The following GRID2IP variants were observed in gnomAD, a reference collection of about 807,000 sequenced individuals.
GRID2IP encodes delphilin.
A neutral mutation model predicts 114.3 loss-of-function variants in GRID2IP; 78 were observed. The ratio of observed to expected loss-of-function variants is 0.68; its 90% confidence interval spans 0.57 to 0.82. GRID2IP has a LOEUF of 0.82. Among genes scored for constraint, GRID2IP ranks in the 40% least tolerant of loss-of-function variants. GRID2IP has a pLI of 0.00. For missense variants in GRID2IP, 1,727 were observed against 1,678.5 expected, an observed-to-expected ratio of 1.03 and a Z score of -0.51; for synonymous variants, 809 against 724.0, an observed-to-expected ratio of 1.12 and a Z score of -1.89.
intron 20 of GRID2IP, among the ~76,000 whole-genome samples, chr7:6,499,683 G>A (rs1037534587): frequency 2.0e-5 from 3 of 152,034 alleles, no homozygotes; most frequent in Non-Finnish European, 2.9e-5. Flanking sequence ...TGCCCTCCTT[G>A]GCCTCCCAAA....
At chr7:6,514,647 T>A in intron 7 of GRID2IP, 118 bp from the exon 8 acceptor site, 1 of 891,386 alleles carries the variant, frequency 1.1e-6, no homozygotes, top group Non-Finnish European at 1.6e-6. Flanking sequence ...GCCCTATCCC[T>A]ACCCTTCAAA....
rs1403677349 is a variant in GRID2IP at position 6,519,649 on chromosome 7, T to C, written c.1268+929A>G. ...GCATATGCCTGTAATCCCAGCTACT[T>C]GGGAGGCTGAGGCAGGAGAATCGCT... On this transcript the variant is annotated intron_variant, in intron 7 of 21. Coordinates refer to ENST00000457091, the MANE Select transcript of GRID2IP (RefSeq NM_001145118.2). This position sits in a 1 kb window ranked among gnomAD's most constrained non-coding sequence, Gnocchi z 4.1. Among the ~76,000 whole-genome samples the C allele has an allele frequency of 6.6e-6, 1 of 151,832 alleles. No individual in the cohort carries two copies. Among genetic ancestry groups the C allele is most frequent in the Non-Finnish European group, 1.5e-5 (1 of 67,936 alleles).
At chr7:6,547,877 T>A (rs778790541) in intron 1 of GRID2IP, among the ~76,000 whole-genome samples, 5 of 152,248 alleles carry the variant, frequency 3.3e-5, no homozygotes, top group Non-Finnish European at 7.4e-5. Context: ...GGCAGTGGGC[T>A]GGGAGGCATT....
chr7:6,540,617 T>C (rs1779801587), intron 1 of GRID2IP, among the ~76,000 whole-genome samples: 1 of 150,574 alleles, frequency 6.6e-6, no homozygotes, highest in Admixed American at 6.6e-5. Flanking sequence ...GCCTCCCAAG[T>C]TCAAGAGATT....
Position 6,516,827 on chromosome 7 carries a change from C to T in GRID2IP, c.1269-2298G>A, listed in dbSNP as rs183038004. On this transcript the variant is annotated intron_variant, in intron 7 of 21. Transcript: ENST00000457091. This position sits in a 1 kb window ranked among gnomAD's most constrained non-coding sequence, Gnocchi z 4.3. ...ACGTAAGCTGTCCCCTCTTTCTCTC[C>T]GCCTCAGCTACCAAATAGGGAAGGG... Among the ~76,000 whole-genome samples, 15 of 152,242 alleles carry T rather than the reference C, an allele frequency of 9.9e-5. No individual in the cohort carries two copies. The highest frequency in any genetic ancestry group is 2.4e-4 in the African/African-American group (10 of 41,548).
Position 6,508,670 on chromosome 7 carries a change from C to A in GRID2IP, c.2128-269G>T, listed in dbSNP as rs1250896772. Among the ~76,000 whole-genome samples the A allele has an allele frequency of 2.0e-5, 3 of 152,082 alleles. No homozygotes were observed. The highest frequency in any genetic ancestry group is 4.4e-5 in the Non-Finnish European group (3 of 67,990). On this transcript the variant is annotated intron_variant, in intron 12 of 21. Transcript: ENST00000457091. The surrounding 1 kb of genome is among the most constrained non-coding windows in gnomAD (Gnocchi z 5.6). ...GGGATAGCCTGGAATAAGGACAGGA[C>A]CCTGTCACGGGTTAGCCTCAGGCTG...
In GRID2IP at chr7:6,551,098, C is replaced by G. The variant is rs1779970139; in HGVS notation, c.339G>C (p.Leu113=). The change falls in exon 1 of 22, where the codon CTG becomes CTC. Residue 113 remains leucine, a synonymous_variant. Coordinates refer to ENST00000457091, the MANE Select transcript of GRID2IP (RefSeq NM_001145118.2). ...CGGCCAGGCGAAGCAGCTCACGGCCCAGAGCTAGGCCGCGGCCGCACCGCG... is the reference window on the plus strand; with the variant it reads ...CGGCCAGGCGAAGCAGCTCACGGCCGAGAGCTAGGCCGCGGCCGCACCGCG... The part of the protein sequence containing the change: ...RAPRCGRGLA[L]GRELLRLAGR... 3 of 1,302,724 alleles carry G rather than the reference C, an allele frequency of 2.3e-6. No homozygotes were observed. The highest frequency in any genetic ancestry group is 4.5e-5 in the South Asian group (2 of 44,342). The allele number at this position is 1,302,724 out of a possible 1,614,324, so 80.7% of individuals were successfully genotyped here.
Position 6,536,671 on chromosome 7 carries a change from G to A in GRID2IP, c.584+3047C>T, listed in dbSNP as rs557338631. ...GCCTGCGCCCCGCTGGCCCATCCCT[G>A]GTGGGGAGGGGCGGGACGGGGGGCT... is the stretch of plus-strand genomic sequence containing the variant. On this transcript the variant is annotated intron_variant, in intron 2 of 21. Transcript: ENST00000457091. This position sits in a 1 kb window ranked among gnomAD's most constrained non-coding sequence, Gnocchi z 5.3. 6.6e-6 allele frequency among the ~76,000 whole-genome samples: 1 copy of A among 152,260 alleles called. No homozygotes were observed. The highest frequency in any genetic ancestry group is 2.1e-4 in the South Asian group (1 of 4,830).
intron 9 of GRID2IP, 95 bp from the exon 10 acceptor site, chr7:6,510,801 T>G: frequency 1.4e-6 from 2 of 1,474,410 alleles, no homozygotes; most frequent in Non-Finnish European, 1.8e-6. Context: ...GGGCCAATCC[T>G]GAGCCCTGCT....
intron 2 of GRID2IP, among the ~76,000 whole-genome samples, chr7:6,535,721 T>C (rs1420161331): frequency 6.6e-6 from 1 of 152,036 alleles, no homozygotes; most frequent in African/African-American, 2.4e-5. Context: ...AATTAAACCT[T>C]GTCTCTCCTC....
chr7:6,501,625 G>A (rs1247181928), intron 20 of GRID2IP, among the ~76,000 whole-genome samples, 156 bp downstream of exon 20: 1 of 152,310 alleles, frequency 6.6e-6, no homozygotes, highest in African/African-American at 2.4e-5. Flanking sequence ...AACAACCCAG[G>A]ATAGAGCCTC....
chr7:6,503,705 C>T lies in GRID2IP; in HGVS notation c.2711-18G>A. 1.1e-5 allele frequency: 12 copies of T among 1,049,490 alleles called. No homozygotes were observed. Among genetic ancestry groups the T allele is most frequent in the Non-Finnish European group, 1.5e-5 (12 of 808,764 alleles). 65.0% of individuals were successfully genotyped at this position (1,049,490 alleles called of 1,614,324 possible). The stretch of plus-strand genomic sequence containing the variant: ...GAGGATGGCTGCGGGCGGGGCGGGG[C>T]GGTGAGCTGGGCGGGGCCGGAGCGG... On this transcript the variant is annotated intron_variant, in intron 15 of 21. Transcript: ENST00000457091.
rs769181093 is a variant in GRID2IP, at chr7:6,502,137, A to G, written c.3151-19T>C. On this transcript the variant is annotated intron_variant, in intron 18 of 21. Coordinates refer to ENST00000457091, the MANE Select transcript of GRID2IP (RefSeq NM_001145118.2). ...AGTTCAGCTGCAAGTGACCCCCAAT[A>G]TACATTCCCGTCAAGGACCCCATCA... is the stretch of plus-strand genomic sequence containing the variant. The G allele has an allele frequency of 3.9e-6, 6 of 1,550,162 alleles. No homozygotes were observed. In the South Asian group the frequency reaches 7.1e-5, roughly 18 times the overall value.
intron 20 of GRID2IP, among the ~76,000 whole-genome samples, chr7:6,500,171 A>C (rs1358077704): frequency 2.0e-5 from 3 of 151,438 alleles, no homozygotes; most frequent in Admixed American, 1.3e-4. Context: ...CATCTGCAAA[A>C]CATCTGGGTG....
chr7:6,518,467 G>A (rs1056603063), intron 7 of GRID2IP, among the ~76,000 whole-genome samples: 12 of 152,122 alleles, frequency 7.9e-5, no homozygotes, highest in Non-Finnish European at 1.6e-4. Context: ...GCCGGGTGTC[G>A]TGGCTCACAC....
intron 2 of GRID2IP, among the ~76,000 whole-genome samples, chr7:6,533,990 G>A (rs562485798): frequency 3.9e-5 from 6 of 152,204 alleles, no homozygotes; most frequent in Admixed American, 6.6e-5. Context: ...ACTTGGCACT[G>A]AAGCAGAAGA....
chr7:6,499,540 C>T (rs1786355595), intron 20 of GRID2IP, among the ~76,000 whole-genome samples: 2 of 152,200 alleles, frequency 1.3e-5, no homozygotes, highest in Admixed American at 6.5e-5. Context: ...AAGTGATTCT[C>T]CTGCCTCAGC....
intron 1 of GRID2IP, among the ~76,000 whole-genome samples, chr7:6,546,358 T>C (rs1779887790): frequency 6.6e-6 from 1 of 150,810 alleles, no homozygotes. Context: ...ATTACAGGTG[T>C]GAGCCACCGT....
At chr7:6,546,802 G>C (rs923276725) in intron 1 of GRID2IP, among the ~76,000 whole-genome samples, 13 of 152,056 alleles carry the variant, frequency 8.5e-5, no homozygotes, top group African/African-American at 3.1e-4. Flanking sequence ...TCCTGGGCAG[G>C]TCTTCTCTTG....
Sources: gnomAD v4.1 joint callset for allele counts (sites outside exome capture counted in the v4.1 genomes callset) on GRCh38, gnomAD v4.1.1 for gene constraint, Gnocchi (gnomAD v3.1) non-coding constraint, MANE v1.5 for transcripts, NCBI Gene and HGNC (gene_info 2026-07-23, HGNC 2026-07-21) for gene names.